CNTNAP2: variants seen among roughly 807,000 people sequenced by gnomAD.
CNTNAP2 encodes the protein contactin-associated protein-like 2.
In CNTNAP2, 98 loss-of-function variants were observed where a neutral mutation model predicts 155.2. That is an observed-to-expected ratio of 0.63 (90% CI 0.54 to 0.75). The LOEUF (loss-of-function observed/expected upper bound fraction) is 0.75. Among genes scored for constraint, CNTNAP2 ranks in the 30% least tolerant of loss-of-function variants. The pLI is 0.00. For missense variants in CNTNAP2, 1,727 were observed against 1,688.1 expected (o/e 1.02, Z -0.40); for synonymous variants, 651 against 631.2 (o/e 1.03, Z -0.47).
chr7:147,535,291 C>T (rs1343128819), intron 11 of CNTNAP2, among the ~76,000 whole-genome samples: 1 of 152,092 alleles, frequency 6.6e-6, no homozygotes, highest in African/African-American at 2.4e-5. Context: ...ACTCAGGAGG[C>T]TGAGGCAGGA....
intron 8 of CNTNAP2, among the ~76,000 whole-genome samples, chr7:147,204,030 G>C (rs191980022): frequency 9.4e-4 from 143 of 152,012 alleles, no homozygotes; most frequent in Middle Eastern, 6.8e-3. Context: ...AGTGTGTAAT[G>C]TAAAGCTCTT....
chr7:147,140,583 G>A (rs1801571984), intron 8 of CNTNAP2, among the ~76,000 whole-genome samples: 1 of 152,014 alleles, frequency 6.6e-6, no homozygotes, highest in African/African-American at 2.4e-5. Flanking sequence ...AGCCACCCCT[G>A]TATTCTTTGT....
chr7:147,352,351 A>G (rs943010175), intron 9 of CNTNAP2, among the ~76,000 whole-genome samples: 1 of 151,978 alleles, frequency 6.6e-6, no homozygotes, highest in Non-Finnish European at 1.5e-5. Context: ...TTCCCTCAGG[A>G]CTAATAATGT....
intron 3 of CNTNAP2, among the ~76,000 whole-genome samples, chr7:147,003,699 G>T (rs1299848877): frequency 6.6e-6 from 1 of 151,884 alleles, no homozygotes; most frequent in Non-Finnish European, 1.5e-5. Flanking sequence ...ATAAAGCAAA[G>T]AAATGTCTAC....
At chr7:147,645,823 A>T (rs750164889) in intron 13 of CNTNAP2, among the ~76,000 whole-genome samples, 9 of 152,212 alleles carry the variant, frequency 5.9e-5, no homozygotes, top group Non-Finnish European at 1.0e-4. Context: ...CAGCATATTC[A>T]ATGATTCAGA....
At chr7:148,074,863 CA>C (rs1287231340) in intron 15 of CNTNAP2, among the ~76,000 whole-genome samples, 1 of 152,264 alleles carries the variant, frequency 6.6e-6, no homozygotes, top group East Asian at 1.9e-4. Flanking sequence ...GTCTCAAAGG[CA>C]GAGAAACATT....
In CNTNAP2 at chr7:147,928,774, A is replaced by G. The variant is rs1800443718; in HGVS notation, c.2255+25053A>G. Among the ~76,000 whole-genome samples the G allele has an allele frequency of 2.0e-5, 3 of 152,096 alleles. 1 individual carries two copies. ...CATCTTATAATGTGTCTTCTATAAA[A>G]TGTTCCACAGAGTTTTTTATAAAAC... On this transcript the variant is annotated intron_variant, in intron 14 of 23. Transcript: ENST00000361727.
intron 13 of CNTNAP2, among the ~76,000 whole-genome samples, chr7:147,759,061 G>C (rs915563802): frequency 6.6e-6 from 1 of 151,984 alleles, no homozygotes; most frequent in South Asian, 2.1e-4. Flanking sequence ...TTTCATGAAG[G>C]CTTAAAGAGA....
chr7:147,803,403 A>G (rs919896648), intron 13 of CNTNAP2, among the ~76,000 whole-genome samples: 2 of 152,028 alleles, frequency 1.3e-5, no homozygotes, highest in African/African-American at 2.4e-5. Context: ...ATTGTGGGTC[A>G]CTCTGCCCGT....
intron 13 of CNTNAP2, among the ~76,000 whole-genome samples, chr7:147,857,078 CTGTG>C (rs1799052556): frequency 6.6e-6 from 1 of 152,170 alleles, no homozygotes; most frequent in Non-Finnish European, 1.5e-5. Context: ...ATAACCCAGG[CTGTG>C]TTTTCAAAGT....
intron 1 of CNTNAP2, among the ~76,000 whole-genome samples, chr7:146,205,503 T>C (rs1165212135): frequency 1.3e-5 from 2 of 151,844 alleles, no homozygotes; most frequent in Non-Finnish European, 2.9e-5. Flanking sequence ...CTTTTTTCAT[T>C]TTCAGAACCT....
intron 13 of CNTNAP2, among the ~76,000 whole-genome samples, chr7:147,864,596 T>C (rs903202605): frequency 6.6e-6 from 1 of 152,170 alleles, no homozygotes; most frequent in Non-Finnish European, 1.5e-5. Context: ...TGTCCTCTTT[T>C]ATTTCATTGA....
chr7:147,759,765 G>A (rs1219492723), intron 13 of CNTNAP2, among the ~76,000 whole-genome samples: 3 of 152,114 alleles, frequency 2.0e-5, no homozygotes, highest in Non-Finnish European at 2.9e-5. Context: ...AGCCATTGTG[G>A]TTACGAAACA....
chr7:147,256,034 G>A (rs1223906110), intron 8 of CNTNAP2, among the ~76,000 whole-genome samples: 1 of 152,162 alleles, frequency 6.6e-6, no homozygotes, highest in Non-Finnish European at 1.5e-5. Context: ...AGCCACCACA[G>A]CTAGCCCATA....
intron 2 of CNTNAP2, among the ~76,000 whole-genome samples, chr7:146,777,005 G>A (rs996396225): frequency 3.3e-5 from 5 of 152,086 alleles, no homozygotes; most frequent in Non-Finnish European, 5.9e-5. Flanking sequence ...TAGGTAGGTA[G>A]GTAGATAGAG....
chr7:147,424,510 G>A (rs1358360289), intron 10 of CNTNAP2, among the ~76,000 whole-genome samples: 1 of 151,886 alleles, frequency 6.6e-6, no homozygotes, highest in Non-Finnish European at 1.5e-5. Context: ...TCATTTAGAT[G>A]TCTCCTCGAT....
intron 3 of CNTNAP2, among the ~76,000 whole-genome samples, chr7:147,012,957 A>G (rs1392609635): frequency 6.6e-6 from 1 of 152,142 alleles, no homozygotes. Context: ...CTCCAAGTTG[A>G]CAACTCTTAT....
intron 14 of CNTNAP2, among the ~76,000 whole-genome samples, chr7:147,955,790 G>T (rs140503879): frequency 6.6e-6 from 1 of 152,152 alleles, no homozygotes; most frequent in Non-Finnish European, 1.5e-5. Context: ...GAGCAAAAGC[G>T]CCGTGCACAT....
chr7:146,138,861 A>G (rs1373497482), intron 1 of CNTNAP2, among the ~76,000 whole-genome samples: 1 of 150,548 alleles, frequency 6.6e-6, no homozygotes, highest in Non-Finnish European at 1.5e-5. Flanking sequence ...ACCACAGTGT[A>G]AAAATAATTC....
Sources: gnomAD v4.1 joint callset for allele counts (sites outside exome capture counted in the v4.1 genomes callset) on GRCh38, gnomAD v4.1.1 for gene constraint, MANE v1.5 for transcripts, NCBI Gene and HGNC (gene_info 2026-07-23, HGNC 2026-07-21) for gene names.